The following LINGO2 variants were observed in gnomAD, a reference collection of about 807,000 sequenced individuals.
The protein encoded by LINGO2 is leucine-rich repeat and immunoglobulin-like domain-containing nogo receptor-interacting protein 2.
A neutral mutation model predicts 30.6 loss-of-function variants in LINGO2; 14 were observed. The ratio of observed to expected loss-of-function variants is 0.46; its 90% CI spans 0.30 to 0.72. LINGO2 has a LOEUF of 0.72. LINGO2 is among the 30% of genes least tolerant of loss of function. LINGO2 has a pLI of 0.07. For synonymous variants in LINGO2, 317 were observed against 288.5 expected (o/e 1.10, Z -1.00); for missense variants, 729 against 751.7 (o/e 0.97, Z 0.35).
chr9:28,402,127 G>T (rs1463062775), intron 2 of LINGO2, among the ~76,000 whole-genome samples: 1 of 152,124 alleles, frequency 6.6e-6, no homozygotes, highest in South Asian at 2.1e-4. Context: ...CACCCAGGTG[G>T]ATACAGTTAA....
At chr9:28,672,280 A>G (rs1024318783), upstream of LINGO2, among the ~76,000 whole-genome samples, 6 of 152,174 alleles carry the variant, frequency 3.9e-5, no homozygotes, top group Admixed American at 3.9e-4. Flanking sequence ...ATGTTGCAGC[A>G]TCATTGCTTT....
intron 4 of LINGO2, among the ~76,000 whole-genome samples, chr9:28,055,899 T>C (rs1231044407): frequency 6.6e-6 from 1 of 152,158 alleles, no homozygotes; most frequent in Non-Finnish European, 1.5e-5. Flanking sequence ...TGTGGCTGAT[T>C]ACCACGATTA....
chr9:28,310,417 G>A (rs546898481), intron 3 of LINGO2, among the ~76,000 whole-genome samples: 1 of 152,268 alleles, frequency 6.6e-6, no homozygotes, highest in South Asian at 2.1e-4. Flanking sequence ...TAATTATGCT[G>A]CATGAAAGAA....
chr9:27,958,541 G>C (rs1001259596), intron 5 of LINGO2, among the ~76,000 whole-genome samples: 6 of 147,646 alleles, frequency 4.1e-5, no homozygotes, highest in Admixed American at 6.6e-5. Flanking sequence ...GTTATTTTAA[G>C]GGAGAGTGAG....
chr9:28,362,620 A>T (rs1425266140), intron 3 of LINGO2, among the ~76,000 whole-genome samples: 1 of 152,040 alleles, frequency 6.6e-6, no homozygotes, highest in Non-Finnish European at 1.5e-5. Context: ...ACAGGCATGC[A>T]TCACCGCATT....
At chr9:28,446,104 G>A (rs1006964288) in intron 2 of LINGO2, among the ~76,000 whole-genome samples, 2 of 151,964 alleles carry the variant, frequency 1.3e-5, no homozygotes, top group African/African-American at 4.8e-5. Context: ...TTTCATTCAA[G>A]GATCCTAGGG....
At chr9:28,051,313 G>T (rs753049546) in intron 4 of LINGO2, among the ~76,000 whole-genome samples, 1 of 152,048 alleles carries the variant, frequency 6.6e-6, no homozygotes, top group Admixed American at 6.6e-5. Context: ...AAATCCCTCC[G>T]TCTCTGCAGA....
At chr9:28,464,282 C>T (rs1014664472) in intron 2 of LINGO2, among the ~76,000 whole-genome samples, 4 of 152,048 alleles carry the variant, frequency 2.6e-5, no homozygotes, top group Non-Finnish European at 4.4e-5. Context: ...TGTTTATCTG[C>T]CAAGAAAGTA....
At chr9:28,970,686 C>T in the LINGO2 span, among the ~76,000 whole-genome samples, 1 of 152,138 alleles carries the variant, frequency 6.6e-6, no homozygotes. Flanking sequence ...AACATTTAGA[C>T]CAGCCCTAGC....
chr9:28,256,352 T>G lies in LINGO2; in HGVS notation c.-87+38856A>C, dbSNP rs148680178. On this transcript the variant is annotated intron_variant, in intron 4 of 5. Transcript: ENST00000379992. ...ACAATTATATACACACTGCCAACTA[T>G]TGATTAATTCTTTAAGAGCACATGA... is the stretch of plus-strand genomic sequence containing the variant. Among the ~76,000 whole-genome samples the G allele has an allele frequency of 1.5e-4, 23 of 152,056 alleles. 1 individual carries two copies. In the East Asian group the frequency reaches 4.5e-3, roughly 29 times the overall value.
rs16912745 is a variant in LINGO2 at position 28,365,449 on chromosome 9, C to A, written c.-246+7387G>T. Among the ~76,000 whole-genome samples, 281 of 152,128 alleles carry A rather than the reference C, an allele frequency of 1.8e-3. 1 individual carries two copies. Among genetic ancestry groups the A allele is most frequent in the Non-Finnish European group, 2.6e-3 (180 of 67,998 alleles). On this transcript the variant is annotated intron_variant, in intron 3 of 5. Coordinates refer to ENST00000379992, the Ensembl canonical transcript of LINGO2. ...AGAGGCGACCCTATTTTCAAACAGG[C>A]TGTATAGTGAAATACCAGAAAGCAA... is the stretch of plus-strand genomic sequence containing the variant.
At chr9:28,301,370 A>AC (rs1325521284) in intron 3 of LINGO2, among the ~76,000 whole-genome samples, 2 of 151,900 alleles carry the variant, frequency 1.3e-5, no homozygotes, top group East Asian at 1.9e-4. Flanking sequence ...AGTTAAAAAA[A>AC]AAAAAACAAA....
At chr9:29,056,387 A>C in the LINGO2 span, among the ~76,000 whole-genome samples, 1 of 152,136 alleles carries the variant, frequency 6.6e-6, no homozygotes, top group African/African-American at 2.4e-5. Context: ...GGCCATTTGC[A>C]TATCTTCTTT....
chr9:29,085,121 A>T, the LINGO2 span, among the ~76,000 whole-genome samples: 7 of 151,754 alleles, frequency 4.6e-5, no homozygotes, highest in Admixed American at 4.6e-4. Flanking sequence ...TTTGTTCCTA[A>T]ATCGATCTAT....
At chr9:28,713,778 C>A in the LINGO2 span, among the ~76,000 whole-genome samples, 2 of 152,086 alleles carry the variant, frequency 1.3e-5, no homozygotes, top group Non-Finnish European at 2.9e-5. Flanking sequence ...TCATATCTGG[C>A]ATTGACTGGG....
At chr9:28,489,729 C>T (rs113653977) in intron 1 of LINGO2, among the ~76,000 whole-genome samples, 2,068 of 151,080 alleles carry the variant, frequency 0.014, 49 homozygotes, top group African/African-American at 0.047. Context: ...CACTCTGTCT[C>T]GACTAAAAAA....
intron 4 of LINGO2, among the ~76,000 whole-genome samples, chr9:28,033,609 G>A (rs1823787630): frequency 6.6e-6 from 1 of 151,928 alleles, no homozygotes; most frequent in Admixed American, 6.6e-5. Flanking sequence ...TTCTCTCCTA[G>A]TTTTTTTATA....
intron 4 of LINGO2, among the ~76,000 whole-genome samples, chr9:28,240,339 G>T (rs1215110111): frequency 6.6e-6 from 1 of 151,922 alleles, no homozygotes; most frequent in East Asian, 1.9e-4. Flanking sequence ...TGAGTAAAAA[G>T]AAAAAACTGG....
intron 5 of LINGO2, among the ~76,000 whole-genome samples, chr9:28,002,230 G>C (rs890228834): frequency 8.6e-5 from 13 of 151,596 alleles, no homozygotes; most frequent in Non-Finnish European, 4.4e-5. Flanking sequence ...TACCGTCAGT[G>C]CCCAACAAAT....
Sources: gnomAD v4.1 joint callset for allele counts (sites outside exome capture counted in the v4.1 genomes callset) on GRCh38, gnomAD v4.1.1 for gene constraint, MANE v1.5 for transcripts, NCBI Gene and HGNC (gene_info 2026-07-23, HGNC 2026-07-21) for gene names.